The following HS2ST1 variants were observed in gnomAD, a reference collection of about 807,000 sequenced individuals.
The protein encoded by HS2ST1 is 2-O-sulfotransferase.
HS2ST1 carries 18 observed loss-of-function variants against 42.9 expected under a neutral mutation model. The observed-to-expected ratio is 0.42, with a 90% CI of 0.29 to 0.62. HS2ST1 has a LOEUF of 0.62. Ranked by LOEUF, HS2ST1 falls within the 20% of genes least tolerant of loss-of-function variation. HS2ST1 has a pLI of 0.21. For synonymous variants in HS2ST1, 146 were observed against 152.9 expected, an observed-to-expected ratio of 0.95 and a Z score of 0.33; for missense variants, 334 against 433.8, an observed-to-expected ratio of 0.77 and a Z score of 2.04.
At chr1:87,029,326 C>T (rs1650169281) in intron 1 of HS2ST1, among the ~76,000 whole-genome samples, 1 of 152,112 alleles carries the variant, frequency 6.6e-6, no homozygotes, top group East Asian at 1.9e-4. Flanking sequence ...AATTTCTACA[C>T]ATGGTTTCTG....
At chr1:87,101,148 T>TG (rs1652189259) in intron 5 of HS2ST1, among the ~76,000 whole-genome samples, 2 of 99,892 alleles carry the variant, frequency 2.0e-5, no homozygotes, top group Admixed American at 1.1e-4. Context: ...TGTGTGTGTG[T>TG]GTTTTTTGTT....
At chr1:87,009,361 G>A (rs916911740) in intron 1 of HS2ST1, among the ~76,000 whole-genome samples, 10 of 152,192 alleles carry the variant, frequency 6.6e-5, no homozygotes, top group Non-Finnish European at 1.2e-4. Flanking sequence ...AGACATTGAA[G>A]AGATTTCCAA....
intron 1 of HS2ST1, among the ~76,000 whole-genome samples, chr1:86,965,803 G>T (rs1389675060): frequency 6.6e-6 from 1 of 152,126 alleles, no homozygotes; most frequent in Non-Finnish European, 1.5e-5. Context: ...ATTAAAGTTA[G>T]AAATACAGGA....
At chr1:86,917,688 C>G (rs188442734) in intron 1 of HS2ST1, among the ~76,000 whole-genome samples, 87 of 152,292 alleles carry the variant, frequency 5.7e-4, no homozygotes, top group African/African-American at 2.1e-3. Flanking sequence ...TTATGTCCGG[C>G]TGCTTAAGAC....
At chr1:86,955,162 AAAT>A (rs1647640983) in intron 1 of HS2ST1, among the ~76,000 whole-genome samples, 1 of 152,228 alleles carries the variant, frequency 6.6e-6, no homozygotes, top group African/African-American at 2.4e-5. Context: ...CTAAAGACAA[AAAT>A]AATTTCTTAG....
chr1:86,933,415 T>A (rs1660581045), intron 1 of HS2ST1, among the ~76,000 whole-genome samples: 1 of 152,214 alleles, frequency 6.6e-6, no homozygotes, highest in African/African-American at 2.4e-5. Context: ...TCACTGATTG[T>A]TTTCTCTGCT....
intron 1 of HS2ST1, among the ~76,000 whole-genome samples, chr1:87,051,803 A>T (rs1017187190): frequency 6.6e-6 from 1 of 152,216 alleles, no homozygotes; most frequent in Non-Finnish European, 1.5e-5. Context: ...GTTACACAAG[A>T]CAAATGCAAA....
At chr1:86,957,769 G>A (rs1029014767) in intron 1 of HS2ST1, among the ~76,000 whole-genome samples, 1 of 151,252 alleles carries the variant, frequency 6.6e-6, no homozygotes, top group Admixed American at 6.6e-5. Context: ...ATCATTACCT[G>A]GAAGATATTA....
At chr1:86,972,279 A>G (rs1648255896) in intron 1 of HS2ST1, among the ~76,000 whole-genome samples, 1 of 152,236 alleles carries the variant, frequency 6.6e-6, no homozygotes, top group South Asian at 2.1e-4. Flanking sequence ...AGTACAGTAT[A>G]ATAAAATATT....
At chr1:86,943,317 G>A (rs1305143318) in intron 1 of HS2ST1, among the ~76,000 whole-genome samples, 2 of 152,124 alleles carry the variant, frequency 1.3e-5, no homozygotes, top group Admixed American at 1.3e-4. Flanking sequence ...CAATTGAAAC[G>A]AGAAGAAATT....
intron 1 of HS2ST1, among the ~76,000 whole-genome samples, chr1:86,920,743 T>G (rs1305326337): frequency 6.6e-6 from 1 of 152,130 alleles, no homozygotes; most frequent in African/African-American, 2.4e-5. Flanking sequence ...GCCTAGTTAT[T>G]TTTAAGATCT....
intron 1 of HS2ST1, among the ~76,000 whole-genome samples, chr1:86,988,788 A>G (rs955760573): frequency 1.3e-5 from 2 of 152,232 alleles, no homozygotes; most frequent in Non-Finnish European, 2.9e-5. Flanking sequence ...TGGCAAGCCA[A>G]TTCCACCCAA....
intron 1 of HS2ST1, among the ~76,000 whole-genome samples, chr1:87,000,814 A>G (rs1469204958): frequency 1.3e-5 from 2 of 152,222 alleles, no homozygotes; most frequent in Non-Finnish European, 2.9e-5. Flanking sequence ...TTGGGAAAGT[A>G]CTACCCTGTT....
intron 5 of HS2ST1, among the ~76,000 whole-genome samples, chr1:87,099,325 A>G (rs1652145619): frequency 6.6e-6 from 1 of 152,220 alleles, no homozygotes; most frequent in Non-Finnish European, 1.5e-5. Context: ...GGCCTCAGGA[A>G]GCTTACACTC....
rs140291051 is a variant in HS2ST1 at position 87,031,212 on chromosome 1, A to G, written c.125-41722A>G. On this transcript the variant is annotated intron_variant, in intron 1 of 6. Transcript: ENST00000370550. ...CGCCTCAGCCTCCCAAAGTGCTGGG[A>G]TTTCAGGCATGTGCCACGTCACCTG... Among the ~76,000 whole-genome samples, 420 of 152,172 alleles carry G rather than the reference A, an allele frequency of 2.8e-3. 1 individual carries two copies. Among genetic ancestry groups the G allele is most frequent in the South Asian group, 0.023 (110 of 4,824 alleles).
At chr1:87,030,254 T>C (rs1650194311) in intron 1 of HS2ST1, among the ~76,000 whole-genome samples, 1 of 152,108 alleles carries the variant, frequency 6.6e-6, no homozygotes, top group African/African-American at 2.4e-5. Context: ...ATTGTAAAAA[T>C]AAAATTACCT....
chr1:86,956,642 G>C (rs1156276119), intron 1 of HS2ST1: 1 of 151,674 alleles, frequency 6.6e-6, no homozygotes, highest in East Asian at 1.9e-4. Flanking sequence ...TGACTTTTTT[G>C]GCTCTCCTAC....
intron 1 of HS2ST1, among the ~76,000 whole-genome samples, chr1:86,931,558 G>A (rs559667356): frequency 6.6e-6 from 1 of 151,970 alleles, no homozygotes; most frequent in Non-Finnish European, 1.5e-5. Context: ...AAAAGTGAAA[G>A]TTTTATTAAA....
chr1:86,957,689 C>G (rs1419704915), intron 1 of HS2ST1, among the ~76,000 whole-genome samples: 1 of 151,166 alleles, frequency 6.6e-6, no homozygotes, highest in African/African-American at 2.4e-5. Flanking sequence ...TAATAATGTA[C>G]TAATAAGGGA....
Sources: allele counts gnomAD v4.1 joint callset (sites outside exome capture counted in the v4.1 genomes callset), GRCh38; gene constraint gnomAD v4.1.1; transcripts MANE v1.5; gene names NCBI Gene and HGNC (gene_info 2026-07-23, HGNC 2026-07-21).